Variants in PTP4A1 observed in about 807,000 individuals in gnomAD.
PTP4A1 encodes the protein protein tyrosine phosphatase type IVA 1.
Under a neutral mutation model 20.5 loss-of-function variants are expected in PTP4A1, and 9 were observed. That is an observed-to-expected ratio of 0.44 (90% CI 0.26 to 0.77). The LOEUF (loss-of-function observed/expected upper bound fraction) is 0.77, where lower values mean the gene tolerates loss of function less well. Ranked by LOEUF, PTP4A1 falls within the 30% of genes least tolerant of loss-of-function variation. The pLI is 0.19. For missense variants in PTP4A1, 137 were observed against 218.8 expected, an observed-to-expected ratio of 0.63 and a Z score of 2.36; for synonymous variants, 78 against 67.4, an observed-to-expected ratio of 1.16 and a Z score of -0.77.
chr6:63,546,340 T>C (rs1039206076), intron 2 of PTP4A1, among the ~76,000 whole-genome samples: 2 of 152,126 alleles, frequency 1.3e-5, no homozygotes, highest in Admixed American at 6.6e-5. Flanking sequence ...GTCAAAATCA[T>C]AGAAGCAGAG....
intron 2 of PTP4A1, among the ~76,000 whole-genome samples, chr6:63,539,497 G>A (rs1775862329): frequency 1.3e-5 from 2 of 152,136 alleles, no homozygotes; most frequent in Admixed American, 1.3e-4. Context: ...GCAAAGGATG[G>A]CCAGGTGTGT....
chr6:63,546,842 C>G (rs1046853797), intron 2 of PTP4A1, among the ~76,000 whole-genome samples: 4 of 152,066 alleles, frequency 2.6e-5, no homozygotes, highest in African/African-American at 9.7e-5. Context: ...CTTAAATTTT[C>G]TCATCTCAAA....
chr6:63,528,359 G>A (rs1237985124), intron 2 of PTP4A1, among the ~76,000 whole-genome samples: 2 of 152,122 alleles, frequency 1.3e-5, no homozygotes, highest in Non-Finnish European at 2.9e-5. Flanking sequence ...TACTCTGGAG[G>A]CTGAGGTGGG....
intron 3 of PTP4A1, among the ~76,000 whole-genome samples, chr6:63,552,687 A>G (rs1232751450): frequency 1.3e-5 from 2 of 152,200 alleles, no homozygotes; most frequent in Non-Finnish European, 2.9e-5. Context: ...TTAAGTCTTT[A>G]ATCCATCTTG....
intron 1 of PTP4A1, 125 bp downstream of exon 1, chr6:63,572,844 G>T (rs1031645523): frequency 2.5e-6 from 1 of 394,696 alleles, no homozygotes; most frequent in Non-Finnish European, 4.5e-6. Flanking sequence ...GTTCCGGTGG[G>T]TCCCGGGTGG....
Position 63,583,270 on chromosome 6 carries a change from C to T in PTP4A1, c.*3096C>T, listed in dbSNP as rs888088609. ...TTAAACAAAATACATGAAGTAGTGT[C>T]TGCCATACATGTTAATATTCTACAT... On this transcript the variant is annotated 3_prime_UTR_variant, in exon 6 of 6. Transcript: ENST00000626021. 1.3e-5 allele frequency: 2 copies of T among 152,200 alleles called. No homozygotes were observed. Among genetic ancestry groups the T allele is most frequent in the African/African-American group, 4.8e-5 (2 of 41,446 alleles). 9.4% of individuals were successfully genotyped at this position (152,200 alleles called of 1,614,324 possible). A position where few individuals can be genotyped will look rare whatever the true frequency, so the allele number is the denominator to read the frequency against.
chr6:63,556,601 G>A (rs1309667368), intron 3 of PTP4A1, among the ~76,000 whole-genome samples: 1 of 152,154 alleles, frequency 6.6e-6, no homozygotes, highest in East Asian at 1.9e-4. Context: ...ATACCACAGG[G>A]GAAGTTAAGT....
chr6:63,519,976 T>C (rs916148180), upstream of PTP4A1, among the ~76,000 whole-genome samples: 6 of 152,234 alleles, frequency 3.9e-5, no homozygotes, highest in African/African-American at 1.4e-4. Context: ...ACCCTGTAAC[T>C]GTATAAACCT....
At chr6:63,548,425 C>T (rs904930359) in intron 2 of PTP4A1, among the ~76,000 whole-genome samples, 2 of 152,190 alleles carry the variant, frequency 1.3e-5, no homozygotes, top group African/African-American at 4.8e-5. Flanking sequence ...GTTTGCTACT[C>T]ACAGCAGTAT....
intron 3 of PTP4A1, among the ~76,000 whole-genome samples, chr6:63,559,692 C>T (rs1315791404): frequency 6.6e-6 from 1 of 151,962 alleles, no homozygotes; most frequent in East Asian, 1.9e-4. Flanking sequence ...TTGCAGTGAG[C>T]CAAGATCGCG....
intron 2 of PTP4A1, among the ~76,000 whole-genome samples, chr6:63,548,364 A>G (rs558544537): frequency 6.6e-6 from 1 of 152,330 alleles, no homozygotes; most frequent in African/African-American, 2.4e-5. Context: ...GGATAAAATG[A>G]ATTTATACGT....
At chr6:63,519,877 A>G (rs1046683966), upstream of PTP4A1, among the ~76,000 whole-genome samples, 4 of 152,250 alleles carry the variant, frequency 2.6e-5, no homozygotes, top group Non-Finnish European at 5.9e-5. Flanking sequence ...TGTTCAGATT[A>G]AAGACATTTG....
intron 5 of PTP4A1, among the ~76,000 whole-genome samples, chr6:63,579,760 A>T (rs1490053912): frequency 1.3e-5 from 2 of 152,228 alleles, no homozygotes; most frequent in African/African-American, 2.4e-5. Context: ...CTGCTACCAG[A>T]GGCAACTTCT....
chr6:63,518,347 C>T (rs1426320486), upstream of PTP4A1, among the ~76,000 whole-genome samples: 1 of 152,082 alleles, frequency 6.6e-6, no homozygotes, highest in African/African-American at 2.4e-5. Flanking sequence ...CCTAAACTAA[C>T]AGCTTAGGTA....
Position 63,578,464 on chromosome 6 carries a change from A to C in PTP4A1, c.133A>C (p.Ile45Leu). 1 of 1,609,650 alleles carries C rather than the reference A, an allele frequency of 6.2e-7. No homozygotes were observed. The highest frequency in any genetic ancestry group is 1.1e-5 in the South Asian group (1 of 90,582). ...ACTTAAGAAGTATGGAGTTACCACA[A>C]TAGTAAGAGTATGTGAAGCAACTTA... is the stretch of plus-strand genomic sequence containing the variant. The part of the protein sequence containing the change: ...EELKKYGVTT[I>L]VRVCEATYDT... The change falls in exon 3 of 6, where the codon ATA becomes CTA. Residue 45 changes from isoleucine (I) to leucine (L), a missense_variant. Physicochemically the swap from Ile to Leu is conservative, Grantham distance 5 (BLOSUM62 2). Transcript: ENST00000626021.
upstream of PTP4A1, chr6:63,572,421 G>A (rs1006754729): frequency 1.9e-5 from 7 of 361,154 alleles, no homozygotes; most frequent in Non-Finnish European, 3.5e-5. Flanking sequence ...GCCGCGATTG[G>A]TGGCTGGAGG....
At position 63,580,187 on chromosome 6, in the gene PTP4A1, T is replaced by A; in HGVS notation, c.*13T>A. The A allele has an allele frequency of 6.4e-7, 1 of 1,570,752 alleles. No homozygotes were observed. On this transcript the variant is annotated 3_prime_UTR_variant, in exon 6 of 6. Transcript: ENST00000626021. ...TTGCATTCAATAAAATTGGGGTGCC[T>A]AATGCTACTGGAAGTGGAACTTGAG... is the stretch of plus-strand genomic sequence containing the variant.
Position 63,583,100 on chromosome 6 carries a change from G to A in PTP4A1, c.*2926G>A, listed in dbSNP as rs774569208. The A allele has an allele frequency of 2.6e-5, 4 of 152,082 alleles. No homozygotes were observed. Among genetic ancestry groups the A allele is most frequent in the Non-Finnish European group, 5.9e-5 (4 of 68,026 alleles). 9.4% of individuals were successfully genotyped at this position (152,082 alleles called of 1,614,324 possible). A position where few individuals can be genotyped will look rare whatever the true frequency, so the allele number is the denominator to read the frequency against. On this transcript the variant is annotated 3_prime_UTR_variant, in exon 6 of 6. Coordinates refer to ENST00000626021, the MANE Select transcript of PTP4A1 (RefSeq NM_003463.5). ...AGATTTTGGTCACCAATGAGTACCC[G>A]ACCCGTTGCCATGATTAAGAGAGAA...
upstream of PTP4A1, among the ~76,000 whole-genome samples, chr6:63,521,219 T>G (rs899253918): frequency 1.3e-5 from 2 of 149,624 alleles, no homozygotes; most frequent in East Asian, 3.9e-4. Context: ...GCCCAAAACT[T>G]AAAGTAAAAT....
Sources: gnomAD v4.1 joint callset for allele counts (sites outside exome capture counted in the v4.1 genomes callset) on GRCh38, gnomAD v4.1.1 for gene constraint, MANE v1.5 for transcripts, NCBI Gene and HGNC (gene_info 2026-07-23, HGNC 2026-07-21) for gene names.